The following CPEB4 variants were observed in gnomAD, a reference collection of about 807,000 sequenced individuals.
The protein encoded by CPEB4 is cytoplasmic polyadenylation element-binding protein 4.
CPEB4 carries 12 observed loss-of-function variants against 72.5 expected under a neutral mutation model. The ratio of observed to expected loss-of-function variants is 0.17; its 90% CI spans 0.11 to 0.27. The LOEUF is 0.27. Among genes scored for constraint, CPEB4 ranks in the 10% least tolerant of loss-of-function variants. The pLI is 1.00. For synonymous variants in CPEB4, 302 were observed against 326.3 expected (o/e 0.93, Z 0.80); for missense variants, 614 against 908.5 (o/e 0.68, Z 4.17).
chr5:173,956,015 C>T lies in CPEB4; in HGVS notation c.2068C>T (p.Leu690=). The change falls in exon 10 of 10, where the codon CTG becomes TTG. Residue 690 remains leucine, a synonymous_variant. Coordinates refer to ENST00000265085, the MANE Select transcript of CPEB4 (RefSeq NM_030627.4). ...ATTTTTCTGTGCTAATGTTACCTGT[C>T]TGCAGTATTACTGTGAATATTGCTG... ...APFFCANVTC[L]QYYCEYCWAA... is the part of the protein sequence containing the mutation. The T allele has an allele frequency of 6.2e-7, 1 of 1,614,134 alleles. No homozygotes were observed. The highest frequency in any genetic ancestry group is 8.5e-7 in the Non-Finnish European group (1 of 1,180,008).
At chr5:173,919,815 C>T (rs746846472) in intron 2 of CPEB4, among the ~76,000 whole-genome samples, 4 of 152,184 alleles carry the variant, frequency 2.6e-5, no homozygotes, top group Non-Finnish European at 5.9e-5. Context: ...CTTCCCAAAA[C>T]TCCTGCATGG....
intron 2 of CPEB4, among the ~76,000 whole-genome samples, chr5:173,922,570 TA>T (rs1757109988): frequency 6.6e-6 from 1 of 152,222 alleles, no homozygotes; most frequent in South Asian, 2.1e-4. Context: ...GTACAAAATT[TA>T]AAAATCTGTA....
rs531684661 is a variant in CPEB4, at chr5:173,926,826, G to A, written c.1208-5624G>A. The stretch of plus-strand genomic sequence containing the variant: ...TCCCTTTAGAAATTAAATTCTGAAT[G>A]TGCCCAAACCTGGATAATGATTAAA... On this transcript the variant is annotated intron_variant, in intron 2 of 9. Coordinates refer to ENST00000265085, the MANE Select transcript of CPEB4 (RefSeq NM_030627.4). Among the ~76,000 whole-genome samples, 33 of 152,268 alleles carry A rather than the reference G, an allele frequency of 2.2e-4. 2 individuals carry two copies. The South Asian group carries it at 6.8e-3, about 32-fold the overall frequency.
rs1487602119 is a variant in CPEB4, at chr5:173,888,594, T to C, written c.-1140T>C. ...GGAGAAACAAAAGCCTTCTAAATTA[T>C]AGTTTAAAAAAAAATTCTGGGGGAA... On this transcript the variant is annotated 5_prime_UTR_variant, in exon 1 of 10. Transcript: ENST00000265085. This position sits in a 1 kb window ranked among gnomAD's most constrained non-coding sequence, Gnocchi z 4.3. The C allele has an allele frequency of 2.5e-6, 1 of 401,080 alleles. No individual in the cohort carries two copies. Among genetic ancestry groups the C allele is most frequent in the African/African-American group, 2.1e-5 (1 of 48,582 alleles). 24.8% of individuals were successfully genotyped at this position (401,080 alleles called of 1,614,324 possible). A position where few individuals can be genotyped will look rare whatever the true frequency, so the allele number is the denominator to read the frequency against.
chr5:173,945,187 A>C, intron 5 of CPEB4, 47 bp downstream of exon 5: 1 of 1,503,368 alleles, frequency 6.7e-7, no homozygotes, highest in South Asian at 1.2e-5. Flanking sequence ...GGTGGCACAT[A>C]GTAGGAAACT....
In CPEB4 at chr5:173,915,995, G is replaced by A. The variant is rs529222285; in HGVS notation, c.1207+5391G>A. On this transcript the variant is annotated intron_variant, in intron 2 of 9. Transcript: ENST00000265085. Reference sequence around the variant, plus strand: ...CAAAAATAGTGCTTAAAAATTAGACGTCAGACAGAATATAACAATCCACAG... The same window carrying A: ...CAAAAATAGTGCTTAAAAATTAGACATCAGACAGAATATAACAATCCACAG... 6.6e-5 allele frequency among the ~76,000 whole-genome samples: 10 copies of A among 152,262 alleles called. No individual in the cohort carries two copies. In the South Asian group the frequency reaches 1.0e-3, roughly 16 times the overall value.
At chr5:173,909,997 C>G (rs78357432) in intron 1 of CPEB4, among the ~76,000 whole-genome samples, 2 of 118,770 alleles carry the variant, frequency 1.7e-5, no homozygotes, top group Non-Finnish European at 3.6e-5. Context: ...GACTGTGTCT[C>G]AAAAAAAAAA....
intron 1 of CPEB4, among the ~76,000 whole-genome samples, chr5:173,908,582 A>C (rs1446507128): frequency 6.6e-6 from 1 of 152,254 alleles, no homozygotes. Context: ...AGATGGGGTC[A>C]GGAGGAGTGG....
chr5:173,935,281 T>G (rs1260886358), intron 3 of CPEB4, among the ~76,000 whole-genome samples: 1 of 152,228 alleles, frequency 6.6e-6, no homozygotes, highest in Non-Finnish European at 1.5e-5. Flanking sequence ...TGTCTGTCAT[T>G]AAGGTAGATA....
rs1169808523 is a variant in CPEB4 at position 173,907,308 on chromosome 5, A to G, written c.1126-3215A>G. On this transcript the variant is annotated intron_variant, in intron 1 of 9. Transcript: ENST00000265085. ...AACAACAACAACAAAACCTGTAGGT[A>G]GAAAAACAAAAACAAAAACTTACAG... Among the ~76,000 whole-genome samples the G allele has an allele frequency of 2.6e-5, 4 of 152,352 alleles. No homozygotes were observed. The East Asian group carries it at 7.7e-4, about 29-fold the overall frequency.
rs1052845108 is a variant in CPEB4, at chr5:173,888,593, A to C, written c.-1141A>C. 2.7e-5 allele frequency: 11 copies of C among 401,346 alleles called. No individual in the cohort carries two copies. The highest frequency in any genetic ancestry group is 4.8e-5 in the Non-Finnish European group (11 of 227,694). 24.9% of individuals were successfully genotyped at this position (401,346 alleles called of 1,614,324 possible). ...AGGAGAAACAAAAGCCTTCTAAATT[A>C]TAGTTTAAAAAAAAATTCTGGGGGA... On this transcript the variant is annotated 5_prime_UTR_variant, in exon 1 of 10. Transcript: ENST00000265085. The surrounding 1 kb of genome is among the most constrained non-coding windows in gnomAD (Gnocchi z 4.3).
rs371055438 is a variant in CPEB4, at chr5:173,920,350, G to C, written c.1207+9746G>C. Among the ~76,000 whole-genome samples the C allele has an allele frequency of 5.2e-4, 79 of 152,306 alleles. 1 individual carries two copies. Among genetic ancestry groups the C allele is most frequent in the Middle Eastern group, 6.8e-3 (2 of 294 alleles). On this transcript the variant is annotated intron_variant, in intron 2 of 9. Coordinates refer to ENST00000265085, the MANE Select transcript of CPEB4 (RefSeq NM_030627.4). ...TAGTGCTTGAGAAACCAACAATAAA[G>C]AGCAAGTCTTAATTCTGAAGAGCAG...
chr5:173,933,787 A>G (rs970051491), intron 3 of CPEB4, among the ~76,000 whole-genome samples: 2 of 152,192 alleles, frequency 1.3e-5, no homozygotes, highest in African/African-American at 4.8e-5. Flanking sequence ...TCTTTGTCCC[A>G]GTTTCCTTAT....
In CPEB4 at chr5:173,890,371, A is replaced by G. The variant is rs1318409485; in HGVS notation, c.638A>G (p.His213Arg). 1 of 1,613,900 alleles carries G rather than the reference A, an allele frequency of 6.2e-7. No individual in the cohort carries two copies. Among genetic ancestry groups the G allele is most frequent in the Non-Finnish European group, 8.5e-7 (1 of 1,179,980 alleles). Residue 213 changes from histidine to arginine, a missense_variant, in exon 1 of 10, where the codon CAT (histidine) becomes CGT (arginine). Around this residue, in one of 5 missense-constraint regions of CPEB4, gnomAD observed 458 missense variants for 548.6 expected, o/e 0.83. Coordinates refer to ENST00000265085, the MANE Select transcript of CPEB4 (RefSeq NM_030627.4). ...GALLFQNFPH[H>R]VSPGFGGSFS... is the part of the protein sequence containing the mutation. ...CTGTTGTTTCAAAATTTCCCCCATCATGTCAGCCCTGGCTTTGGAGGCAGC... is the reference window on the plus strand; with the variant it reads ...CTGTTGTTTCAAAATTTCCCCCATCGTGTCAGCCCTGGCTTTGGAGGCAGC...
At chr5:173,945,431 C>T (rs972209700) in intron 5 of CPEB4, among the ~76,000 whole-genome samples, 2 of 152,182 alleles carry the variant, frequency 1.3e-5, no homozygotes, top group African/African-American at 4.8e-5. Context: ...GTACTAACTG[C>T]GTTTTTGTCT....
rs1325724925 is a variant in CPEB4, at chr5:173,953,286, T to C, written c.1962+14T>C. On this transcript the variant is annotated intron_variant, in intron 9 of 9. Coordinates refer to ENST00000265085, the MANE Select transcript of CPEB4 (RefSeq NM_030627.4). ...ATAGATAAACGGGTAAGCCTTATAC[T>C]ACATTTTGGAAAATTCTAGAAATGG... 3.4e-6 allele frequency: 5 copies of C among 1,479,816 alleles called. No individual in the cohort carries two copies. The allele number at this position is 1,479,816 out of a possible 1,614,324, so 91.7% of individuals were successfully genotyped here.
chr5:173,909,605 A>G (rs1427015975), intron 1 of CPEB4, among the ~76,000 whole-genome samples: 3 of 152,188 alleles, frequency 2.0e-5, no homozygotes, highest in Non-Finnish European at 4.4e-5. Context: ...TTAGTTTTAA[A>G]AACAAATCTT....
intron 3 of CPEB4, among the ~76,000 whole-genome samples, chr5:173,941,203 A>G (rs1757825312): frequency 6.6e-6 from 1 of 152,146 alleles, no homozygotes. Context: ...AGACTCCCTA[A>G]TCTTTGAAGC....
At chr5:173,909,507 T>C (rs111694468) in intron 1 of CPEB4, among the ~76,000 whole-genome samples, 15 of 139,470 alleles carry the variant, frequency 1.1e-4, no homozygotes, top group African/African-American at 3.0e-4. Flanking sequence ...TATTTTTATG[T>C]TGGGGGAAGG....
Sources: allele counts gnomAD v4.1 joint callset (sites outside exome capture counted in the v4.1 genomes callset), GRCh38; gene constraint gnomAD v4.1.1; regional missense constraint gnomAD v4.1.1; non-coding constraint Gnocchi (gnomAD v3.1); transcripts MANE v1.5; gene names NCBI Gene and HGNC (gene_info 2026-07-23, HGNC 2026-07-21).